CYLC2: variants seen among roughly 807,000 people sequenced by gnomAD.
CYLC2 encodes the protein cylicin 2, also known as cylicin-2.
CYLC2 carries 30 observed loss-of-function variants against 26.1 expected under a neutral mutation model. That is an observed-to-expected ratio of 1.15 (90% CI 0.86 to 1.56). The LOEUF (loss-of-function observed/expected upper bound fraction) is 1.56. CYLC2 is among the 40% of genes most tolerant of loss of function. The pLI is 0.00. For synonymous variants in CYLC2, 158 were observed against 132.8 expected, an observed-to-expected ratio of 1.19 and a Z score of -1.31; for missense variants, 498 against 394.4, an observed-to-expected ratio of 1.26 and a Z score of -2.23.
chr9:103,014,409 G>A (rs1438825266), intron 6 of CYLC2, among the ~76,000 whole-genome samples: 17 of 69,030 alleles, frequency 2.5e-4, no homozygotes, highest in South Asian at 1.8e-3. Context: ...TGTATGTTAC[G>A]TAATGTAACA....
Position 103,003,268 on chromosome 9 carries a change from G to A in CYLC2, c.180+5G>A, listed in dbSNP as rs753438464. ...ATACGGGACAACACGGTTTCTGTAA[G>A]CATTGGAAAGATTTTATAATTATCA... is the stretch of plus-strand genomic sequence containing the variant. On this transcript the variant is annotated splice_donor_5th_base_variant and intron_variant, in intron 3 of 7. Coordinates refer to ENST00000374798, the MANE Select transcript of CYLC2 (RefSeq NM_001340.5). The A allele has an allele frequency of 8.7e-6, 14 of 1,606,972 alleles. No individual in the cohort carries two copies. Among genetic ancestry groups the A allele is most frequent in the Middle Eastern group, 1.7e-4 (1 of 6,022 alleles).
intron 6 of CYLC2, among the ~76,000 whole-genome samples, chr9:103,012,934 CG>C (rs1413032927): frequency 6.7e-6 from 1 of 148,860 alleles, no homozygotes; most frequent in Middle Eastern, 3.2e-3. Context: ...GTTTGGCATT[CG>C]GAAAAAAAGT....
chr9:103,013,816 TATA>T (rs917584362), intron 6 of CYLC2, among the ~76,000 whole-genome samples: 13 of 96,986 alleles, frequency 1.3e-4, no homozygotes, highest in Non-Finnish European at 2.2e-4. Flanking sequence ...TTATTATGTA[TATA>T]ATATGTATAT....
chr9:103,015,217 G>A (rs1470891813), intron 6 of CYLC2, among the ~76,000 whole-genome samples: 3 of 104,702 alleles, frequency 2.9e-5, no homozygotes, highest in African/African-American at 1.1e-4. Flanking sequence ...TACATAATAC[G>A]TATATACCTA....
intron 6 of CYLC2, among the ~76,000 whole-genome samples, chr9:103,016,502 C>T (rs1829507974): frequency 6.6e-6 from 1 of 151,952 alleles, no homozygotes; most frequent in Admixed American, 6.6e-5. Flanking sequence ...AGCCATTTAT[C>T]CCATCGGTGT....
chr9:103,007,791 A>G (rs558608972), intron 5 of CYLC2, among the ~76,000 whole-genome samples: 10 of 152,182 alleles, frequency 6.6e-5, no homozygotes, highest in Admixed American at 3.9e-4. Flanking sequence ...TCTCTTGGAC[A>G]TTAAAGGAAG....
In CYLC2 at chr9:103,006,017, G is replaced by GACACACACACACACACACACACAC. The variant is rs201304746; in HGVS notation, c.*371_*394dup. The GACACACACACACACACACACACAC allele has an allele frequency of 8.3e-6, 1 of 120,036 alleles. No individual in the cohort carries two copies. Among genetic ancestry groups the GACACACACACACACACACACACAC allele is most frequent in the Non-Finnish European group, 1.7e-5 (1 of 60,012 alleles). 7.4% of individuals were successfully genotyped at this position (120,036 alleles called of 1,614,324 possible). ...TGAAGATAATGACACTAAATCTATG[G>GACACACACACACACACACACACAC]ACACACACACACACACACACACACA... On this transcript the variant is annotated 3_prime_UTR_variant, in exon 5 of 8. Coordinates refer to ENST00000374798, the MANE Select transcript of CYLC2 (RefSeq NM_001340.5).
Position 103,005,347 on chromosome 9 carries a change from C to T in CYLC2, c.716C>T (p.Ala239Val), listed in dbSNP as rs749090482. 8.7e-6 allele frequency: 14 copies of T among 1,613,398 alleles called. No homozygotes were observed. The highest frequency in any genetic ancestry group is 1.2e-5 in the Non-Finnish European group (14 of 1,179,838). Reference sequence around the variant, plus strand: ...GCCATAGAATTACAAGCTGTAAAAGCAGATGAAAAGAAGGATGAGGATGGA... The same window carrying T: ...GCCATAGAATTACAAGCTGTAAAAGTAGATGAAAAGAAGGATGAGGATGGA... The part of the protein sequence containing the change: ...DSAIELQAVK[A>V]DEKKDEDGKK... The change falls in exon 5 of 8, where the codon GCA becomes GTA. Residue 239 changes from alanine to valine, a missense_variant. By Grantham distance (64) the Ala-to-Val change is moderately conservative. Coordinates refer to ENST00000374798, the MANE Select transcript of CYLC2 (RefSeq NM_001340.5).
rs111770657 is a variant in CYLC2, at chr9:103,006,363, A to C, written c.*685A>C. 2.1e-3 allele frequency: 313 copies of C among 152,154 alleles called. No homozygotes were observed. The highest frequency in any genetic ancestry group is 7.3e-3 in the African/African-American group (303 of 41,540). 9.4% of individuals were successfully genotyped at this position (152,154 alleles called of 1,614,324 possible). On this transcript the variant is annotated 3_prime_UTR_variant, in exon 5 of 8. Transcript: ENST00000374798. ...TTGTTGGATGTGCCACTTCCAATCC[A>C]AAAGAAGCACACTTGGTAAGTCAGT...
At chr9:103,017,849 GTGGCTATGTTTTCCCTT>G (rs1157312175) in intron 7 of CYLC2, among the ~76,000 whole-genome samples, 1 of 151,954 alleles carries the variant, frequency 6.6e-6, no homozygotes, top group Non-Finnish European at 1.5e-5. Flanking sequence ...TGGCCTCTAT[GTGGCTATGTTTTCCCTT>G]TGTCTTCACA....
At chr9:102,997,075 CATTACTAAAGTCGTCTCTTACT>C (rs1234343572) in intron 1 of CYLC2, among the ~76,000 whole-genome samples, 1 of 151,768 alleles carries the variant, frequency 6.6e-6, no homozygotes, top group Non-Finnish European at 1.5e-5. Context: ...TATTGAGTAG[CATTACTAAAGTCGTCTCTTACT>C]ATCCTGGTCT....
Position 103,005,438 on chromosome 9 carries a change from A to G in CYLC2, c.807A>G (p.Lys269=), listed in dbSNP as rs1829334394. 1 of 1,613,380 alleles carries G rather than the reference A, an allele frequency of 6.2e-7. No homozygotes were observed. Among genetic ancestry groups the G allele is most frequent in the Admixed American group, 1.7e-5 (1 of 59,854 alleles). The change falls in exon 5 of 8, where the codon AAA becomes AAG. Residue 269 remains lysine (K), a synonymous_variant. Transcript: ENST00000374798. ...DAKKDAKEIK[K]GKKDKKKPSS... ...AGAAAGATGCAAAGGAGATTAAAAAAGGTAAGAAAGATAAGAAGAAGCCCA... is the reference window on the plus strand; with the variant it reads ...AGAAAGATGCAAAGGAGATTAAAAAGGGTAAGAAAGATAAGAAGAAGCCCA...
At position 103,010,470 on chromosome 9, in the gene CYLC2, A is replaced by C. The variant is rs189356918; in HGVS notation, c.*701-1512A>C. ...ATCTCCATTTAATTGAAGCACAGAA[A>C]GGTCAAGTAACAATAAATTTGCACA... is the stretch of plus-strand genomic sequence containing the variant. On this transcript the variant is annotated intron_variant, in intron 5 of 7. Coordinates refer to ENST00000374798, the MANE Select transcript of CYLC2 (RefSeq NM_001340.5). Among the ~76,000 whole-genome samples the C allele has an allele frequency of 5.1e-3, 777 of 152,210 alleles. 6 individuals are homozygous for C. Among genetic ancestry groups the C allele is most frequent in the African/African-American group, 0.018 (735 of 41,554 alleles).
rs778658742 is a variant in CYLC2 at position 103,005,544 on chromosome 9, A to C, written c.913A>C (p.Lys305Gln). 6.2e-7 allele frequency: 1 copy of C among 1,610,136 alleles called. No homozygotes were observed. Among genetic ancestry groups the C allele is most frequent in the South Asian group, 1.1e-5 (1 of 90,776 alleles). ...CACGAAAGATGCCAAGAAAGTTGCC[A>C]AGAAAGATACTGAGAAAGAATCTGC... The part of the protein sequence containing the change: ...DATKDAKKVA[K>Q]KDTEKESADS... The change falls in exon 5 of 8, where the codon AAG (lysine) becomes CAG (glutamine). Residue 305 changes from lysine (K) to glutamine (Q), a missense_variant. Lys to Gln is a moderately conservative substitution (Grantham distance 53). Coordinates refer to ENST00000374798, the MANE Select transcript of CYLC2 (RefSeq NM_001340.5).
chr9:103,007,023 G>C (rs989629936), intron 5 of CYLC2, among the ~76,000 whole-genome samples: 1 of 152,000 alleles, frequency 6.6e-6, no homozygotes, highest in African/African-American at 2.4e-5. Context: ...TATTGTACAC[G>C]ATAAATATGC....
chr9:102,995,534 G>A, intron 1 of CYLC2, 137 bp downstream of exon 1: 1 of 652,260 alleles, frequency 1.5e-6, no homozygotes, highest in Non-Finnish European at 2.6e-6. Context: ...AGCAGACAAA[G>A]ATTCTCAAGC....
intron 1 of CYLC2, among the ~76,000 whole-genome samples, chr9:102,997,289 G>C (rs76451505): frequency 0.065 from 9,816 of 151,978 alleles, 355 homozygotes; most frequent in South Asian, 0.12. Flanking sequence ...CTACCAACTA[G>C]ATGCTAGTAT....
intron 1 of CYLC2, among the ~76,000 whole-genome samples, chr9:103,000,561 T>C (rs1275836918): frequency 6.6e-6 from 1 of 152,038 alleles, no homozygotes; most frequent in African/African-American, 2.4e-5. Context: ...AAGAAAATGA[T>C]AGGCTGGATA....
At chr9:103,013,108 T>C (rs1014403659) in intron 6 of CYLC2, among the ~76,000 whole-genome samples, 1 of 126,532 alleles carries the variant, frequency 7.9e-6, no homozygotes, top group Non-Finnish European at 1.7e-5. Context: ...AAAATATATA[T>C]CATAAATAAT....
Sources: allele counts gnomAD v4.1 joint callset (sites outside exome capture counted in the v4.1 genomes callset), GRCh38; gene constraint gnomAD v4.1.1; transcripts MANE v1.5; gene names NCBI Gene and HGNC (gene_info 2026-07-23, HGNC 2026-07-21).